Variants in MRAP observed in about 807,000 individuals in gnomAD.
MRAP encodes melanocortin 2 receptor accessory protein, also known as melanocortin-2 receptor accessory protein.
A neutral mutation model predicts 8.7 loss-of-function variants in MRAP; 8 were observed. That is an observed-to-expected ratio of 0.92 (90% CI 0.54 to 1.66). MRAP has a LOEUF of 1.66. MRAP is among the 40% of genes most tolerant of loss of function. MRAP has a pLI of 0.00. For missense variants in MRAP, 237 were observed against 217.1 expected (o/e 1.09, Z -0.58); for synonymous variants, 95 against 95.5 (o/e 1.00, Z 0.03).
At chr21:32,304,665 C>A (rs9789890) in intron 1 of MRAP, among the ~76,000 whole-genome samples, 191 of 13,248 alleles carry the variant, frequency 0.014, no homozygotes, top group African/African-American at 0.022. Context: ...ACAAACAAAA[C>A]AAACCAAAAA....
At chr21:32,296,075 G>A (rs2032133728), upstream of MRAP, among the ~76,000 whole-genome samples, 1 of 152,170 alleles carries the variant, frequency 6.6e-6, no homozygotes. Flanking sequence ...AAGTGGGCCT[G>A]GTTTCGTTCT....
At chr21:32,306,142 C>T (rs909882817) in intron 1 of MRAP, among the ~76,000 whole-genome samples, 4 of 152,342 alleles carry the variant, frequency 2.6e-5, no homozygotes. Flanking sequence ...GCCTCCCCAC[C>T]GGAGCGCTGT....
chr21:32,298,611 G>A (rs2032185366), upstream of MRAP, among the ~76,000 whole-genome samples: 1 of 152,164 alleles, frequency 6.6e-6, no homozygotes, highest in Admixed American at 6.5e-5. Context: ...GCCCTATTGG[G>A]CATCTTCTAA....
chr21:32,306,228 C>T (rs570359291), intron 1 of MRAP, among the ~76,000 whole-genome samples: 7 of 152,170 alleles, frequency 4.6e-5, no homozygotes, highest in Admixed American at 3.3e-4. Context: ...CCCTGGTAGG[C>T]GCTGCATCCC....
At chr21:32,298,215 A>C (rs1276625781), upstream of MRAP, among the ~76,000 whole-genome samples, 1 of 152,212 alleles carries the variant, frequency 6.6e-6, no homozygotes, top group Non-Finnish European at 1.5e-5. Context: ...GTGTGGTATC[A>C]GCCAAGAGCT....
intron 1 of MRAP, among the ~76,000 whole-genome samples, chr21:32,303,204 G>A (rs2032330554): frequency 6.6e-6 from 1 of 151,904 alleles, no homozygotes; most frequent in South Asian, 2.1e-4. Context: ...GGCTGGTCTC[G>A]AACTCCTGAC....
chr21:32,300,832 G>A (rs73901387), intron 1 of MRAP, among the ~76,000 whole-genome samples: 1,895 of 139,140 alleles, frequency 0.014, 44 homozygotes, highest in African/African-American at 0.048. Flanking sequence ...GTCCTATGTC[G>A]GATATGTCAT....
intron 1 of MRAP, among the ~76,000 whole-genome samples, chr21:32,305,042 A>G (rs2032381897): frequency 7.6e-6 from 1 of 132,124 alleles, no homozygotes; most frequent in South Asian, 2.3e-4. Context: ...GCGTGATCGT[A>G]GCTCACTTCA....
chr21:32,308,627 G>A (rs568873568), intron 2 of MRAP: 1 of 152,814 alleles, frequency 6.5e-6, no homozygotes, highest in South Asian at 2.1e-4. Context: ...ACTGTTCTTA[G>A]GAGGGACCCT....
rs951792612 is a variant in MRAP, at chr21:32,300,864, A to G, written c.106+1787A>G. Among the ~76,000 whole-genome samples, 9 of 150,810 alleles carry G rather than the reference A, an allele frequency of 6.0e-5. No individual in the cohort carries two copies. The East Asian group carries it at 1.4e-3, about 23-fold the overall frequency. On this transcript the variant is annotated intron_variant, in intron 1 of 2. Coordinates refer to ENST00000303645, the MANE Select transcript of MRAP (RefSeq NM_001379228.1). ...TCATGCGCCCTATGTCAGGGGCGTC[A>G]TGCGTCCTATGTCGGGTGTCATGCA...
intron 1 of MRAP, among the ~76,000 whole-genome samples, chr21:32,300,674 G>T (rs1485041123): frequency 6.8e-6 from 1 of 146,002 alleles, no homozygotes; most frequent in Non-Finnish European, 1.5e-5. Flanking sequence ...TCCTATGTCG[G>T]ATGTGTCACG....
At chr21:32,300,183 T>G (rs1050119119) in intron 1 of MRAP, among the ~76,000 whole-genome samples, 20 of 152,180 alleles carry the variant, frequency 1.3e-4, no homozygotes, top group African/African-American at 4.8e-4. Context: ...GGCCAGGAGT[T>G]CGAGGCCAGC....
intron 1 of MRAP, among the ~76,000 whole-genome samples, chr21:32,300,498 T>C (rs1209540790): frequency 4.0e-5 from 6 of 149,372 alleles, no homozygotes; most frequent in Non-Finnish European, 7.4e-5. Flanking sequence ...CTATGTCGGA[T>C]GTGTCACGCA....
At chr21:32,313,123 T>C (rs370079753), downstream of MRAP, 1 of 152,162 alleles carries the variant, frequency 6.6e-6, no homozygotes, top group East Asian at 1.9e-4. Context: ...CCACCTGACG[T>C]AGTATGTATT....
chr21:32,311,906 C>A lies in MRAP; in HGVS notation c.429C>A (p.Leu143=). 1 of 1,613,932 alleles carries A rather than the reference C, an allele frequency of 6.2e-7. No homozygotes were observed. The highest frequency in any genetic ancestry group is 8.5e-7 in the Non-Finnish European group (1 of 1,180,030). Residue 143 remains leucine (L), a synonymous_variant, in exon 3 of 3, where the codon CTC becomes CTA. Transcript: ENST00000303645. ...LGGFQTHPTL[L]WELTLNGGPL... ...GTTTCCAGACCCACCCCACTCTCCTCTGGGAACTGACCCTCAATGGGGGTC... is the reference window on the plus strand; with the variant it reads ...GTTTCCAGACCCACCCCACTCTCCTATGGGAACTGACCCTCAATGGGGGTC...
At chr21:32,298,791 C>CT, upstream of MRAP, 1 of 591,304 alleles carries the variant, frequency 1.7e-6, no homozygotes. Context: ...TGAGACACAC[C>CT]CCCCTGACCT....
intron 1 of MRAP, among the ~76,000 whole-genome samples, chr21:32,303,704 C>A (rs2032338723): frequency 6.6e-6 from 1 of 152,236 alleles, no homozygotes; most frequent in South Asian, 2.1e-4. Flanking sequence ...GTTGGGAAAA[C>A]CAGCCTAGGG....
chr21:32,300,621 TATGTCAGATGC>T, intron 1 of MRAP, among the ~76,000 whole-genome samples: 1 of 81,378 alleles, frequency 1.2e-5, no homozygotes, highest in African/African-American at 3.9e-5. Flanking sequence ...TCACGCGTCG[TATGTCAGATGC>T]GTCACACGTC....
downstream of MRAP, chr21:32,314,561 G>A (rs150983600): frequency 1.7e-5 from 28 of 1,613,988 alleles, no homozygotes; most frequent in East Asian, 1.6e-4. Flanking sequence ...CTTTAACACA[G>A]ATGAATCTCT....
Sources: gnomAD v4.1 joint callset for allele counts (sites outside exome capture counted in the v4.1 genomes callset) on GRCh38, gnomAD v4.1.1 for gene constraint, MANE v1.5 for transcripts, NCBI Gene and HGNC (gene_info 2026-07-23, HGNC 2026-07-21) for gene names.